The following BMPR2 variants were observed in gnomAD, a reference collection of about 807,000 sequenced individuals.
BMPR2 encodes the protein bone morphogenetic protein receptor type-2.
BMPR2 carries 29 observed loss-of-function variants against 100.8 expected under a neutral mutation model. The observed-to-expected ratio is 0.29, with a 90% confidence interval of 0.21 to 0.39. The LOEUF is 0.39. Ranked by LOEUF, BMPR2 falls within the 10% of genes least tolerant of loss-of-function variation. The probability of loss-of-function intolerance (pLI) is 1.00; values close to 1 mark genes in which losing one functional copy is unlikely to be tolerated. For missense variants in BMPR2, 1,011 were observed against 1,274.5 expected, an observed-to-expected ratio of 0.79 and a Z score of 3.15; for synonymous variants, 382 against 442.3, an observed-to-expected ratio of 0.86 and a Z score of 1.71.
intron 1 of BMPR2, among the ~76,000 whole-genome samples, chr2:202,460,277 A>G (rs1335443970): frequency 6.6e-6 from 1 of 152,202 alleles, no homozygotes; most frequent in Non-Finnish European, 1.5e-5. Flanking sequence ...TAATCTGGAT[A>G]AAGAAAATGT....
At chr2:202,409,964 A>G (rs1037872517) in intron 1 of BMPR2, among the ~76,000 whole-genome samples, 5 of 152,106 alleles carry the variant, frequency 3.3e-5, no homozygotes, top group Non-Finnish European at 7.4e-5. Flanking sequence ...TGACCACAAT[A>G]GTGCCCCAGA....
At chr2:202,462,237 T>TC (rs1692237872) in intron 1 of BMPR2, among the ~76,000 whole-genome samples, 1 of 151,700 alleles carries the variant, frequency 6.6e-6, no homozygotes, top group Admixed American at 6.6e-5. Context: ...CTATTTTTTT[T>TC]TTTTTTTTTT....
chr2:202,481,008 T>C (rs2105973347), intron 3 of BMPR2, among the ~76,000 whole-genome samples: 2 of 151,094 alleles, frequency 1.3e-5, no homozygotes, highest in Middle Eastern at 6.8e-3. Context: ...CAAAGGTGTA[T>C]TTCTGAACTC....
intron 3 of BMPR2, among the ~76,000 whole-genome samples, chr2:202,472,119 C>G (rs1333616752): frequency 6.6e-6 from 1 of 152,076 alleles, no homozygotes; most frequent in Non-Finnish European, 1.5e-5. Context: ...TATAGCACAT[C>G]TCAAGAATTT....
At chr2:202,434,269 C>G (rs1334598122) in intron 1 of BMPR2, among the ~76,000 whole-genome samples, 1 of 150,488 alleles carries the variant, frequency 6.6e-6, no homozygotes, top group Non-Finnish European at 1.5e-5. Context: ...CCAATATATC[C>G]TGAAGACAGG....
rs1421764720 is a variant in BMPR2, at chr2:202,421,183, G to A, written c.77-43626G>A. ...GGAGAATCGCTTGAACCCAGGAGGCGGAGGTTGCAGTGAGCTGAGATAGTG... is the reference window on the plus strand; with the variant it reads ...GGAGAATCGCTTGAACCCAGGAGGCAGAGGTTGCAGTGAGCTGAGATAGTG... On this transcript the variant is annotated intron_variant, in intron 1 of 12. Coordinates refer to ENST00000374580, the MANE Select transcript of BMPR2 (RefSeq NM_001204.7). Among the ~76,000 whole-genome samples the A allele has an allele frequency of 3.3e-5, 5 of 151,946 alleles. No homozygotes were observed. The South Asian group carries it at 8.3e-4, about 25-fold the overall frequency.
At chr2:202,477,676 A>G (rs1384263964) in intron 3 of BMPR2, among the ~76,000 whole-genome samples, 3 of 152,084 alleles carry the variant, frequency 2.0e-5, no homozygotes, top group Admixed American at 6.6e-5. Flanking sequence ...AGTCCCAGCT[A>G]CTTGGGAGAC....
intron 1 of BMPR2, among the ~76,000 whole-genome samples, chr2:202,450,298 T>C (rs1295263242): frequency 1.3e-5 from 2 of 152,228 alleles, no homozygotes; most frequent in South Asian, 4.1e-4. Flanking sequence ...ATGAGAATGC[T>C]CAGCAAAATG....
intron 3 of BMPR2, among the ~76,000 whole-genome samples, chr2:202,511,855 A>G (rs760419721): frequency 2.0e-5 from 3 of 152,040 alleles, no homozygotes; most frequent in Non-Finnish European, 4.4e-5. Context: ...CCCCATCTCT[A>G]CTAAAAATAC....
intron 10 of BMPR2, among the ~76,000 whole-genome samples, chr2:202,549,641 C>T (rs564325160): frequency 4.0e-5 from 6 of 150,606 alleles, no homozygotes; most frequent in Admixed American, 6.7e-5. Context: ...CCCAGTTACT[C>T]GGGATTGAGG....
intron 1 of BMPR2, among the ~76,000 whole-genome samples, chr2:202,411,876 A>G (rs775527226): frequency 6.6e-6 from 1 of 152,194 alleles, no homozygotes; most frequent in Admixed American, 6.5e-5. Context: ...CTGAGGGACT[A>G]TTGCATATTG....
At position 202,532,798 on chromosome 2, in the gene BMPR2, A is replaced by G. The variant is rs1688053563; in HGVS notation, c.1276+66A>G. ...GCAGTTATATCTTCTTTCTCTACCT[A>G]TAGTACCTAACTCAACTTTTATGTA... On this transcript the variant is annotated intron_variant, in intron 9 of 12. Transcript: ENST00000374580. The surrounding 1 kb of genome is among the most constrained non-coding windows in gnomAD (Gnocchi z 4.1). The G allele has an allele frequency of 6.5e-7, 1 of 1,534,998 alleles. No individual in the cohort carries two copies. Among genetic ancestry groups the G allele is most frequent in the Admixed American group, 1.7e-5 (1 of 58,938 alleles).
chr2:202,390,712 A>T (rs1460920877), intron 1 of BMPR2, among the ~76,000 whole-genome samples: 1 of 152,088 alleles, frequency 6.6e-6, no homozygotes, highest in African/African-American at 2.4e-5. Context: ...AAAATAAATG[A>T]TATCTTGTTG....
intron 9 of BMPR2, 67 bp from the exon 10 acceptor site, chr2:202,542,244 C>A: frequency 1.3e-6 from 2 of 1,574,420 alleles, no homozygotes; most frequent in Non-Finnish European, 1.7e-6. Flanking sequence ...TCAGAAATAC[C>A]CCTGTTATTC....
intron 10 of BMPR2, among the ~76,000 whole-genome samples, chr2:202,547,801 A>G (rs907014835): frequency 8.3e-6 from 1 of 119,944 alleles, no homozygotes; most frequent in African/African-American, 3.3e-5. Flanking sequence ...AAAAAAAAAA[A>G]GGCCAGGCAC....
chr2:202,388,040 C>T (rs1018444205), intron 1 of BMPR2, among the ~76,000 whole-genome samples: 1 of 152,038 alleles, frequency 6.6e-6, no homozygotes, highest in Non-Finnish European at 1.5e-5. Flanking sequence ...ATCAAGAATG[C>T]TAATCTATAA....
intron 1 of BMPR2, among the ~76,000 whole-genome samples, chr2:202,402,399 C>T (rs1422549160): frequency 1.3e-5 from 2 of 152,012 alleles, no homozygotes; most frequent in African/African-American, 4.8e-5. Flanking sequence ...ACGCCTGTAT[C>T]CCAGCTACTC....
intron 3 of BMPR2, among the ~76,000 whole-genome samples, chr2:202,501,889 C>T (rs183639678): frequency 1.6e-4 from 25 of 152,318 alleles, no homozygotes; most frequent in Admixed American, 4.6e-4. Context: ...AGACTTAGGC[C>T]GCCCGAGATG....
intron 1 of BMPR2, among the ~76,000 whole-genome samples, chr2:202,395,942 CAAAA>C (rs1328195423): frequency 6.6e-5 from 10 of 150,872 alleles, no homozygotes; most frequent in African/African-American, 2.2e-4. Context: ...CATCTCAAAA[CAAAA>C]AACAAACAAA....
Sources: allele counts gnomAD v4.1 joint callset (sites outside exome capture counted in the v4.1 genomes callset), GRCh38; gene constraint gnomAD v4.1.1; non-coding constraint Gnocchi (gnomAD v3.1); transcripts MANE v1.5; gene names NCBI Gene and HGNC (gene_info 2026-07-23, HGNC 2026-07-21).